EHD1: variants seen among roughly 807,000 people sequenced by gnomAD.
EHD1 encodes the protein EH domain containing 1.
In EHD1, 19 loss-of-function variants were observed where a neutral mutation model predicts 39.0. The ratio of observed to expected loss-of-function variants is 0.49; its 90% confidence interval spans 0.34 to 0.72. The LOEUF (loss-of-function observed/expected upper bound fraction) is 0.72, where lower values mean the gene tolerates loss of function less well. Among genes scored for constraint, EHD1 ranks in the 30% least tolerant of loss-of-function variants. EHD1 has a pLI of 0.01. For missense variants in EHD1, 542 were observed against 751.5 expected (o/e 0.72, Z 3.26); for synonymous variants, 323 against 331.2 (o/e 0.98, Z 0.27).
In EHD1 at chr11:64,860,194, G is replaced by A. The variant is rs1287051040; in HGVS notation, c.645C>T (p.Arg215=). The A allele has an allele frequency of 9.9e-6, 16 of 1,614,036 alleles. No individual in the cohort carries two copies. Among genetic ancestry groups the A allele is most frequent in the South Asian group, 3.3e-5 (3 of 91,088 alleles). Residue 215 remains arginine (R), a synonymous_variant, in exon 3 of 5, where the codon CGC becomes CGT. Coordinates refer to ENST00000320631, the MANE Select transcript of EHD1 (RefSeq NM_006795.4). ...TCTGGTCTGCCTTGTTCAGCACCAC[G>A]CGGATCTTGTCCTCATGGTTCTTCA... is the stretch of plus-strand genomic sequence containing the variant. ...KALKNHEDKI[R]VVLNKADQIE... is the part of the protein sequence containing the mutation.
chr11:64,877,902 G>T, intron 1 of EHD1, 159 bp downstream of exon 1: 1 of 694,628 alleles, frequency 1.4e-6, no homozygotes, highest in Non-Finnish European at 2.1e-6. Context: ...GTTTACTCTG[G>T]GAAGGGGCAG....
chr11:64,878,189 G>T lies in EHD1; in HGVS notation c.276C>A (p.Pro92=), dbSNP rs1367009207. Residue 92 remains proline (P), a synonymous_variant, in exon 1 of 5, where the codon CCC becomes CCA. Transcript: ENST00000320631. ...DFPGMRIGPE[P]TTDSFIAVMH... is the part of the protein sequence containing the mutation. ...TGACGGCGATGAAGGAGTCGGTGGT[G>T]GGCTCGGGCCCGATGCGCATCCCCG... The T allele has an allele frequency of 6.2e-7, 1 of 1,608,988 alleles. No homozygotes were observed. The highest frequency in any genetic ancestry group is 8.5e-7 in the Non-Finnish European group (1 of 1,175,958).
At chr11:64,861,929 AC>A (rs1943721050) in intron 2 of EHD1, among the ~76,000 whole-genome samples, 1 of 152,188 alleles carries the variant, frequency 6.6e-6, no homozygotes, top group Non-Finnish European at 1.5e-5. Flanking sequence ...TTTTTTAGAG[AC>A]AGGGTTTTGC....
In EHD1 at chr11:64,874,529, G is replaced by A. The variant is rs1943865301; in HGVS notation, c.405-11C>T. ...TGGGCACACATGAACCTACATGAGAGCAAGAGCCAGAAGAGAGGCGTCAAG... is the reference window on the plus strand; with the variant it reads ...TGGGCACACATGAACCTACATGAGAACAAGAGCCAGAAGAGAGGCGTCAAG... On this transcript the variant is annotated splice_polypyrimidine_tract_variant and intron_variant, in intron 1 of 4. Transcript: ENST00000320631. 2.5e-6 allele frequency: 4 copies of A among 1,592,950 alleles called. No homozygotes were observed. The highest frequency in any genetic ancestry group is 1.1e-5 in the South Asian group (1 of 87,922).
chr11:64,862,832 C>T (rs943747645), intron 2 of EHD1, among the ~76,000 whole-genome samples: 23 of 152,202 alleles, frequency 1.5e-4, no homozygotes, highest in African/African-American at 5.3e-4. Flanking sequence ...CGTGATCATG[C>T]CACTGCATTC....
chr11:64,861,898 T>TA (rs1197604881), intron 2 of EHD1, among the ~76,000 whole-genome samples: 2 of 152,178 alleles, frequency 1.3e-5, no homozygotes, highest in South Asian at 2.1e-4. Flanking sequence ...CATATTCTTT[T>TA]TAAAAAAATT....
rs1565714083 is a variant in EHD1 at position 64,853,732 on chromosome 11, T to G, written c.*601A>C. The stretch of plus-strand genomic sequence containing the variant: ...GGCTGGGCCCTGCTTCTGTGACTGC[T>G]GAGCGGGGTTGCGCGTCGGAGCCGG... On this transcript the variant is annotated 3_prime_UTR_variant, in exon 5 of 5. Coordinates refer to ENST00000320631, the MANE Select transcript of EHD1 (RefSeq NM_006795.4). 1.3e-5 allele frequency: 2 copies of G among 156,584 alleles called. No individual in the cohort carries two copies. The highest frequency in any genetic ancestry group is 1.9e-4 in the South Asian group (1 of 5,328). 9.7% of individuals were successfully genotyped at this position (156,584 alleles called of 1,614,324 possible).
intron 2 of EHD1, among the ~76,000 whole-genome samples, chr11:64,866,604 G>A (rs1265158014): frequency 4.0e-5 from 6 of 151,892 alleles, no homozygotes; most frequent in Admixed American, 6.6e-5. Flanking sequence ...GTTTGGGCCC[G>A]GGAGGTGGAG....
At chr11:64,877,394 T>C (rs1159103643) in intron 1 of EHD1, among the ~76,000 whole-genome samples, 1 of 152,160 alleles carries the variant, frequency 6.6e-6, no homozygotes, top group Non-Finnish European at 1.5e-5. Flanking sequence ...CAGAATCTCA[T>C]TGCAGGGCTC....
rs774187217 is a variant in EHD1 at position 64,878,530 on chromosome 11, A to G, written c.-66T>C. 6.6e-6 allele frequency: 10 copies of G among 1,505,844 alleles called. No individual in the cohort carries two copies. Among genetic ancestry groups the G allele is most frequent in the South Asian group, 5.1e-5 (4 of 78,352 alleles). The allele number at this position is 1,505,844 out of a possible 1,614,324, so 93.3% of individuals were successfully genotyped here. A position where few individuals can be genotyped will look rare whatever the true frequency, so the allele number is the denominator to read the frequency against. ...GGCTGAGAGCGGGGCGAGGGTGCGG[A>G]GCCGAGGCGGGGCCGGCCGGGGCAG... On this transcript the variant is annotated 5_prime_UTR_variant, in exon 1 of 5. Coordinates refer to ENST00000320631, the MANE Select transcript of EHD1 (RefSeq NM_006795.4).
chr11:64,855,411 GCT>G lies in EHD1; in HGVS notation c.989_990del (p.Glu330AlafsTer13). 6.2e-7 allele frequency: 1 copy of G among 1,614,112 alleles called. No individual in the cohort carries two copies. The highest frequency in any genetic ancestry group is 8.5e-7 in the Non-Finnish European group (1 of 1,180,020). On this transcript the variant is annotated frameshift_variant, in exon 4 of 5. Transcript: ENST00000320631. LOFTEE classifies it high-confidence loss of function. ...NVFGKESKKKELVNNLGEIYQ... is the reference protein window; with the variant it reads ...NVFGKESKKKXLVNNLGEIYQ... ...TAGATCTCTCCGAGGTTGTTCACCA[GCT>G]CTTTCTTTTTGCTCTCTTTACCAAA...
upstream of EHD1, chr11:64,879,008 G>T: frequency 1.0e-6 from 1 of 996,430 alleles, no homozygotes; most frequent in Non-Finnish European, 1.2e-6. Context: ...CTGGTTCCCT[G>T]ACTACGCGCC....
At position 64,878,236 on chromosome 11, in the gene EHD1, G is replaced by A. The variant is rs1314190383; in HGVS notation, c.229C>T (p.His77Tyr). ...YSTGKTTFIR[H>Y]LIEQDFPGMR... The stretch of plus-strand genomic sequence containing the variant: ...CCCGGGAAGTCCTGCTCGATCAGGT[G>A]TCGGATGAAGGTGGTCTTGCCCGTG... Residue 77 changes from histidine (H) to tyrosine (Y), a missense_variant, in exon 1 of 5, where the codon CAC (histidine) becomes TAC (tyrosine). By Grantham distance (83) the His-to-Tyr change is moderately conservative. Coordinates refer to ENST00000320631, the MANE Select transcript of EHD1 (RefSeq NM_006795.4). The A allele has an allele frequency of 1.2e-6, 2 of 1,613,828 alleles. No individual in the cohort carries two copies. Among genetic ancestry groups the A allele is most frequent in the Non-Finnish European group, 8.5e-7 (1 of 1,179,844 alleles).
At chr11:64,863,788 ACT>A (rs142665529) in intron 2 of EHD1, among the ~76,000 whole-genome samples, 3,548 of 152,186 alleles carry the variant, frequency 0.023, 56 homozygotes, top group Non-Finnish European at 0.037. Context: ...CCTGCCACTG[ACT>A]CTGTGACCTG....
At chr11:64,871,430 C>A (rs1943829699) in intron 2 of EHD1, among the ~76,000 whole-genome samples, 1 of 152,226 alleles carries the variant, frequency 6.6e-6, no homozygotes, top group African/African-American at 2.4e-5. Flanking sequence ...CCTGTGTACA[C>A]CTAGCGGGGC....
intron 1 of EHD1, among the ~76,000 whole-genome samples, chr11:64,877,385 A>G (rs540230794): frequency 3.3e-5 from 5 of 152,196 alleles, no homozygotes; most frequent in Non-Finnish European, 7.4e-5. Context: ...GCTTAGGGCC[A>G]GAATCTCATT....
At chr11:64,874,065 G>C (rs1943859029) in intron 2 of EHD1, among the ~76,000 whole-genome samples, 1 of 150,994 alleles carries the variant, frequency 6.6e-6, no homozygotes, top group African/African-American at 2.4e-5. Flanking sequence ...CAGCACTTTG[G>C]GAGGCCAAGG....
intron 2 of EHD1, among the ~76,000 whole-genome samples, chr11:64,863,868 G>A (rs1338577576): frequency 6.6e-6 from 1 of 152,228 alleles, no homozygotes; most frequent in Admixed American, 6.5e-5. Context: ...TCCTCAGCCG[G>A]GCTGCAGGGA....
Position 64,878,569 on chromosome 11 carries a change from ACCCACAC to A in EHD1, c.-112_-106del. ...CGGCCGGGGCAGGGAATCGGGAGCGACCCACACTGCGCAGGCGCACAGCCCAGCCCGT... is the reference window on the plus strand; with the variant it reads ...CGGCCGGGGCAGGGAATCGGGAGCGATGCGCAGGCGCACAGCCCAGCCCGT... On this transcript the variant is annotated 5_prime_UTR_variant, in exon 1 of 5. Transcript: ENST00000320631. 6.9e-7 allele frequency: 1 copy of A among 1,455,848 alleles called. No homozygotes were observed. The highest frequency in any genetic ancestry group is 1.4e-5 in the South Asian group (1 of 72,060). The allele number at this position is 1,455,848 out of a possible 1,614,324, so 90.2% of individuals were successfully genotyped here.
Sources: gnomAD v4.1 joint callset for allele counts (sites outside exome capture counted in the v4.1 genomes callset) on GRCh38, gnomAD v4.1.1 for gene constraint, MANE v1.5 for transcripts, NCBI Gene and HGNC (gene_info 2026-07-23, HGNC 2026-07-21) for gene names.